The following COL19A1 variants were observed in gnomAD, a reference collection of about 807,000 sequenced individuals.
COL19A1 encodes the protein collagen alpha-1(XIX) chain.
Under a neutral mutation model 190.2 loss-of-function variants are expected in COL19A1, and 159 were observed. That is an observed-to-expected ratio of 0.84 (90% CI 0.73 to 0.95). The LOEUF (loss-of-function observed/expected upper bound fraction) is 0.95. Ranked by LOEUF, COL19A1 falls within the 40% of genes least tolerant of loss-of-function variation. The pLI is 0.00. For synonymous variants in COL19A1, 509 were observed against 458.9 expected, an observed-to-expected ratio of 1.11 and a Z score of -1.39; for missense variants, 1,418 against 1,431.9, an observed-to-expected ratio of 0.99 and a Z score of 0.16.
At chr6:69,921,459 A>ATTCATATAT (rs1216997835) in intron 4 of COL19A1, among the ~76,000 whole-genome samples, 363 of 21,050 alleles carry the variant, frequency 0.017, 4 homozygotes, top group South Asian at 0.077. Context: ...TATCATATAT[A>ATTCATATAT]TCATATATAT....
intron 16 of COL19A1, among the ~76,000 whole-genome samples, chr6:70,106,283 A>G (rs1247588396): frequency 6.6e-6 from 1 of 151,938 alleles, no homozygotes; most frequent in African/African-American, 2.4e-5. Context: ...TACCAAAAGG[A>G]CAACTTGTTT....
At chr6:70,025,206 A>G (rs563052056) in intron 12 of COL19A1, among the ~76,000 whole-genome samples, 31 of 151,818 alleles carry the variant, frequency 2.0e-4, no homozygotes, top group Non-Finnish European at 3.1e-4. Context: ...AATTTTTTGT[A>G]TTTTTAGTAG....
rs73480068 is a variant in COL19A1 at position 69,934,474 on chromosome 6, G to A, written c.747+1611G>A. ...GATATATCTGAATATTATATAATTAGCCAGTAATCACTGCCCTTTATCATT... is the reference window on the plus strand; with the variant it reads ...GATATATCTGAATATTATATAATTAACCAGTAATCACTGCCCTTTATCATT... On this transcript the variant is annotated intron_variant, in intron 7 of 50. Transcript: ENST00000620364. Among the ~76,000 whole-genome samples the A allele has an allele frequency of 8.2e-3, 1,246 of 151,786 alleles. 18 individuals are homozygous for A. The highest frequency in any genetic ancestry group is 0.026 in the African/African-American group (1,070 of 41,440).
chr6:70,123,204 A>C (rs1784983386), intron 17 of COL19A1, among the ~76,000 whole-genome samples: 1 of 152,194 alleles, frequency 6.6e-6, no homozygotes, highest in Non-Finnish European at 1.5e-5. Context: ...AACATATGAA[A>C]AAATGCTCAC....
chr6:70,121,204 C>T (rs911612475), intron 16 of COL19A1, among the ~76,000 whole-genome samples: 1 of 152,120 alleles, frequency 6.6e-6, no homozygotes, highest in African/African-American at 2.4e-5. Flanking sequence ...AATGTAATCC[C>T]TGAAAAACCT....
chr6:70,099,753 A>G (rs956888701), intron 15 of COL19A1, among the ~76,000 whole-genome samples: 1 of 152,230 alleles, frequency 6.6e-6, no homozygotes, highest in Admixed American at 6.5e-5. Flanking sequence ...TGTGCTGGCC[A>G]AAGTTGTGTG....
chr6:70,144,230 T>C lies in COL19A1; in HGVS notation c.1647T>C (p.Gly549=). ...PGDVGLPGEH[G]IPGKQGIKGE... ...TCTAGGGATTGCCAGGAGAACATGG[T>C]ATCCCAGGAAAACAAGGCATTAAAG... The change falls in exon 24 of 51, where the codon GGT becomes GGC. Residue 549 remains glycine (G), a synonymous_variant. Transcript: ENST00000620364. The C allele has an allele frequency of 2.5e-6, 4 of 1,612,574 alleles. No homozygotes were observed. The highest frequency in any genetic ancestry group is 3.4e-6 in the Non-Finnish European group (4 of 1,178,910).
At chr6:70,061,271 TTCTCAA>T (rs1465056679) in intron 14 of COL19A1, among the ~76,000 whole-genome samples, 2 of 152,182 alleles carry the variant, frequency 1.3e-5, no homozygotes, top group Non-Finnish European at 2.9e-5. Context: ...TTCAATACTC[TTCTCAA>T]AATGTTCTGA....
intron 46 of COL19A1, among the ~76,000 whole-genome samples, chr6:70,187,861 T>C (rs576185480): frequency 2.5e-4 from 38 of 152,272 alleles, no homozygotes; most frequent in African/African-American, 7.9e-4. Flanking sequence ...AGCACTTTAC[T>C]TGGGTTAATT....
At chr6:70,170,258 C>G (rs886139176) in intron 40 of COL19A1, among the ~76,000 whole-genome samples, 2 of 152,104 alleles carry the variant, frequency 1.3e-5, no homozygotes, top group African/African-American at 4.8e-5. Flanking sequence ...CTCATCATCT[C>G]CCACCAGCTG....
intron 22 of COL19A1, 98 bp downstream of exon 22, chr6:70,142,174 A>G: frequency 1.9e-6 from 2 of 1,080,582 alleles, no homozygotes; most frequent in Admixed American, 4.3e-5. Context: ...CATTTTCTTC[A>G]CAAATGCTCT....
At chr6:70,058,668 G>C (rs1358794030) in intron 14 of COL19A1, among the ~76,000 whole-genome samples, 1 of 149,496 alleles carries the variant, frequency 6.7e-6, no homozygotes, top group Non-Finnish European at 1.5e-5. Context: ...ATGATAATTG[G>C]ATAAAATAAC....
At chr6:70,086,523 A>C (rs1782601297) in intron 15 of COL19A1, among the ~76,000 whole-genome samples, 1 of 152,188 alleles carries the variant, frequency 6.6e-6, no homozygotes, top group African/African-American at 2.4e-5. Context: ...TCAAACTGTT[A>C]CTAGTTGTTA....
At chr6:70,112,545 C>T (rs1158941077) in intron 16 of COL19A1, among the ~76,000 whole-genome samples, 1 of 152,002 alleles carries the variant, frequency 6.6e-6, no homozygotes, top group African/African-American at 2.4e-5. Context: ...AAATGTCCCA[C>T]TCTATCAATA....
At chr6:70,151,139 C>T (rs1379236411) in intron 30 of COL19A1, among the ~76,000 whole-genome samples, 1 of 152,096 alleles carries the variant, frequency 6.6e-6, no homozygotes, top group Non-Finnish European at 1.5e-5. Context: ...TAGGGATGCA[C>T]AGTCAAAACT....
intron 14 of COL19A1, among the ~76,000 whole-genome samples, chr6:70,066,564 T>A (rs1781221039): frequency 6.6e-6 from 1 of 152,062 alleles, no homozygotes; most frequent in African/African-American, 2.4e-5. Context: ...AACCTGCACG[T>A]TGTGCACATG....
intron 16 of COL19A1, among the ~76,000 whole-genome samples, chr6:70,104,995 T>C (rs1783865954): frequency 6.6e-6 from 1 of 152,194 alleles, no homozygotes; most frequent in African/African-American, 2.4e-5. Flanking sequence ...AGACTTTAGT[T>C]TGTTGCCAGA....
At chr6:69,986,529 T>G (rs1776326086) in intron 11 of COL19A1, among the ~76,000 whole-genome samples, 1 of 152,134 alleles carries the variant, frequency 6.6e-6, no homozygotes, top group Non-Finnish European at 1.5e-5. Context: ...AATTTGCATT[T>G]TAATAAACTC....
At chr6:69,889,921 A>G (rs930955550) in intron 2 of COL19A1, 1 of 152,104 alleles carries the variant, frequency 6.6e-6, no homozygotes, top group African/African-American at 2.4e-5. Flanking sequence ...TTCACAGTAA[A>G]TCTCGCTGCT....
Sources: gnomAD v4.1 joint callset for allele counts (sites outside exome capture counted in the v4.1 genomes callset) on GRCh38, gnomAD v4.1.1 for gene constraint, MANE v1.5 for transcripts, NCBI Gene and HGNC (gene_info 2026-07-23, HGNC 2026-07-21) for gene names.